SHC3: variants seen among roughly 807,000 people sequenced by gnomAD.
SHC3 encodes SHC-transforming protein 3.
Under a neutral mutation model 60.4 loss-of-function variants are expected in SHC3, and 15 were observed. The ratio of observed to expected loss-of-function variants is 0.25; its 90% CI spans 0.17 to 0.38. The LOEUF is 0.38. SHC3 is among the 10% of genes least tolerant of loss of function. The pLI is 1.00. For synonymous variants in SHC3, 294 were observed against 325.9 expected (o/e 0.90, Z 1.05); for missense variants, 677 against 786.1 (o/e 0.86, Z 1.66).
intron 11 of SHC3, among the ~76,000 whole-genome samples, chr9:89,022,243 C>G (rs913380030): frequency 6.6e-6 from 1 of 152,118 alleles, no homozygotes; most frequent in Non-Finnish European, 1.5e-5. Context: ...GCTCCAGGAG[C>G]CTAGAAGGAG....
intron 2 of SHC3, chr9:89,088,536 T>A (rs919860019): frequency 6.6e-6 from 1 of 152,194 alleles, no homozygotes; most frequent in Non-Finnish European, 1.5e-5. Flanking sequence ...GTCAAAAAGA[T>A]GAAAAACACA....
At chr9:89,096,873 G>T (rs1360421453) in intron 2 of SHC3, among the ~76,000 whole-genome samples, 3 of 152,178 alleles carry the variant, frequency 2.0e-5, no homozygotes, top group Non-Finnish European at 4.4e-5. Context: ...AGATTGCTTT[G>T]TTTAAACAGA....
intron 1 of SHC3, among the ~76,000 whole-genome samples, chr9:89,175,692 C>T (rs1826932812): frequency 6.6e-6 from 1 of 152,122 alleles, no homozygotes; most frequent in Non-Finnish European, 1.5e-5. Flanking sequence ...TGCATCCTTT[C>T]CCAAACCCTA....
intron 6 of SHC3, among the ~76,000 whole-genome samples, chr9:89,058,633 T>C (rs1824998379): frequency 7.0e-6 from 1 of 142,646 alleles, no homozygotes; most frequent in African/African-American, 2.7e-5. Flanking sequence ...GTGGAGGACA[T>C]GGTGGAGGAC....
Position 89,012,379 on chromosome 9 carries a change from G to A in SHC3, c.*1068C>T, listed in dbSNP as rs1484706200. 1 of 152,140 alleles carries A rather than the reference G, an allele frequency of 6.6e-6. No homozygotes were observed. Among genetic ancestry groups the A allele is most frequent in the East Asian group, 1.9e-4 (1 of 5,178 alleles). The allele number at this position is 152,140 out of a possible 1,614,324, so 9.4% of individuals were successfully genotyped here. On this transcript the variant is annotated 3_prime_UTR_variant, in exon 12 of 12. Coordinates refer to ENST00000375835, the MANE Select transcript of SHC3 (RefSeq NM_016848.6). ...CTTTCCCCCATCCCTCATGCCAGAG[G>A]CAGTACCTCAAATGGATTCCAGTGA...
chr9:89,039,934 G>A (rs1327901682), intron 10 of SHC3, among the ~76,000 whole-genome samples: 16 of 145,952 alleles, frequency 1.1e-4, no homozygotes, highest in Admixed American at 9.5e-4. Flanking sequence ...CAACAGGAGC[G>A]GCAGCAGTAA....
chr9:89,140,974 G>C (rs1826385223), intron 1 of SHC3, among the ~76,000 whole-genome samples: 1 of 152,126 alleles, frequency 6.6e-6, no homozygotes, highest in African/African-American at 2.4e-5. Flanking sequence ...TAATTAAGCT[G>C]ATTTTTAACC....
At chr9:89,092,056 C>T (rs1825629269) in intron 2 of SHC3, among the ~76,000 whole-genome samples, 1 of 152,134 alleles carries the variant, frequency 6.6e-6, no homozygotes, top group Non-Finnish European at 1.5e-5. Flanking sequence ...AAAACAATAG[C>T]AACTATTGTT....
intron 2 of SHC3, among the ~76,000 whole-genome samples, chr9:89,093,346 G>A (rs1181774759): frequency 6.6e-6 from 1 of 152,190 alleles, no homozygotes; most frequent in Non-Finnish European, 1.5e-5. Flanking sequence ...GGTCCTCAGG[G>A]AGATTTGGAA....
At chr9:89,168,754 A>G (rs985592165) in intron 1 of SHC3, among the ~76,000 whole-genome samples, 1 of 152,166 alleles carries the variant, frequency 6.6e-6, no homozygotes, top group Non-Finnish European at 1.5e-5. Flanking sequence ...CCTTTTTGAT[A>G]AAATTAACAT....
intron 2 of SHC3, among the ~76,000 whole-genome samples, chr9:89,089,744 T>C (rs1825592839): frequency 6.6e-6 from 1 of 152,228 alleles, no homozygotes; most frequent in Non-Finnish European, 1.5e-5. Context: ...CCAAGTCTTC[T>C]TGGGGGCATG....
intron 11 of SHC3, among the ~76,000 whole-genome samples, chr9:89,030,922 T>C (rs1163925379): frequency 6.6e-6 from 1 of 152,188 alleles, no homozygotes; most frequent in East Asian, 1.9e-4. Context: ...ATTTTTTTTC[T>C]TTTTTTCTTG....
At chr9:89,049,152 T>C (rs943134296) in intron 7 of SHC3, among the ~76,000 whole-genome samples, 1 of 152,140 alleles carries the variant, frequency 6.6e-6, no homozygotes, top group Admixed American at 6.6e-5. Context: ...TCCCAGCTAC[T>C]CAGGAGGCTG....
At chr9:89,165,468 A>G (rs1826773038) in intron 1 of SHC3, among the ~76,000 whole-genome samples, 1 of 151,648 alleles carries the variant, frequency 6.6e-6, no homozygotes, top group African/African-American at 2.4e-5. Context: ...TTTAATAAGA[A>G]AAGTATTTCC....
At chr9:89,130,766 A>C (rs1030730853) in intron 1 of SHC3, among the ~76,000 whole-genome samples, 1 of 152,190 alleles carries the variant, frequency 6.6e-6, no homozygotes, top group African/African-American at 2.4e-5. Context: ...CAGTGTGTAG[A>C]GGGAAATTTA....
Position 89,052,061 on chromosome 9 carries a change from G to A in SHC3, c.938C>T (p.Thr313Ile), listed in dbSNP as rs1329953029. The A allele has an allele frequency of 6.2e-7, 1 of 1,614,086 alleles. No homozygotes were observed. Among genetic ancestry groups the A allele is most frequent in the South Asian group, 1.1e-5 (1 of 91,078 alleles). ...LRFKQYLQCP[T>I]KIPALHDRMQ... ...CCGATCATGGAGAGCGGGAATCTTG[G>A]TAGGACACTGTAAATATTGCTTAAA... Residue 313 changes from threonine to isoleucine, a missense_variant, in exon 7 of 12, where the codon ACC becomes ATC. Physicochemically the swap from Thr to Ile is moderately conservative, Grantham distance 89 (BLOSUM62 -1). Coordinates refer to ENST00000375835, the MANE Select transcript of SHC3 (RefSeq NM_016848.6).
At chr9:89,127,869 C>A (rs1826187970) in intron 1 of SHC3, among the ~76,000 whole-genome samples, 1 of 151,144 alleles carries the variant, frequency 6.6e-6, no homozygotes, top group South Asian at 2.1e-4. Flanking sequence ...AAAAATGGGA[C>A]CCTTAATTTT....
chr9:89,120,576 A>T (rs1826078216), intron 1 of SHC3, among the ~76,000 whole-genome samples: 2 of 152,242 alleles, frequency 1.3e-5, no homozygotes, highest in Admixed American at 6.5e-5. Context: ...ATATTCTTCG[A>T]GCAAATGTAC....
At chr9:89,139,480 A>G (rs778774436) in intron 1 of SHC3, among the ~76,000 whole-genome samples, 1 of 152,214 alleles carries the variant, frequency 6.6e-6, no homozygotes, top group Admixed American at 6.5e-5. Context: ...ACTCTGTTCC[A>G]TAGAAGGAAT....
Sources: allele counts gnomAD v4.1 joint callset (sites outside exome capture counted in the v4.1 genomes callset), GRCh38; gene constraint gnomAD v4.1.1; transcripts MANE v1.5; gene names NCBI Gene and HGNC (gene_info 2026-07-23, HGNC 2026-07-21).